Variants in KSR1 observed in about 807,000 individuals in gnomAD.
The protein encoded by KSR1 is kinase suppressor of ras 1.
In KSR1, 35 loss-of-function variants were observed where a neutral mutation model predicts 92.9. That is an observed-to-expected ratio of 0.38 (90% confidence interval 0.29 to 0.50). The LOEUF (loss-of-function observed/expected upper bound fraction) is 0.50, where lower values mean the gene tolerates loss of function less well. KSR1 is among the 20% of genes least tolerant of loss of function. KSR1 has a pLI of 0.94. For synonymous variants in KSR1, 467 were observed against 472.6 expected, an observed-to-expected ratio of 0.99 and a Z score of 0.15; for missense variants, 972 against 1,158.5, an observed-to-expected ratio of 0.84 and a Z score of 2.34.
chr17:27,474,288 C>G (rs541753514), intron 1 of KSR1, among the ~76,000 whole-genome samples: 3 of 152,232 alleles, frequency 2.0e-5, no homozygotes, highest in Non-Finnish European at 1.5e-5. Context: ...CAAACAGGCC[C>G]CTGTCACCCT....
At chr17:27,524,729 A>G (rs1187916429) in intron 1 of KSR1, among the ~76,000 whole-genome samples, 1 of 152,194 alleles carries the variant, frequency 6.6e-6, no homozygotes, top group Non-Finnish European at 1.5e-5. Context: ...GGATGTCCCC[A>G]ACCCACCTGC....
At chr17:27,561,058 A>G (rs1238785659) in intron 2 of KSR1, among the ~76,000 whole-genome samples, 1 of 152,214 alleles carries the variant, frequency 6.6e-6, no homozygotes, top group Non-Finnish European at 1.5e-5. Flanking sequence ...AAGTTGGAGC[A>G]TGGAAGGAAG....
At position 27,459,377 on chromosome 17, in the gene KSR1, C is replaced by T. The variant is rs939801734; in HGVS notation, c.231+2503C>T. Among the ~76,000 whole-genome samples, 2 of 152,220 alleles carry T rather than the reference C, an allele frequency of 1.3e-5. No homozygotes were observed. The highest frequency in any genetic ancestry group is 4.8e-5 in the African/African-American group (2 of 41,452). ...CTTGCTAGGGAAACTTAACCCCCTA[C>T]TTTATGGGTTCAGTAAATCTGGATT... On this transcript the variant is annotated intron_variant, in intron 1 of 20. Transcript: ENST00000644974. This position sits in a 1 kb window ranked among gnomAD's most constrained non-coding sequence, Gnocchi z 4.6.
intron 1 of KSR1, among the ~76,000 whole-genome samples, chr17:27,482,098 T>A (rs2068529346): frequency 1.3e-5 from 2 of 152,144 alleles, no homozygotes; most frequent in African/African-American, 4.8e-5. Context: ...TTGGTGGTGC[T>A]GAGAAAGAAG....
At chr17:27,527,240 C>G (rs1157056670) in intron 1 of KSR1, 1 of 222,960 alleles carries the variant, frequency 4.5e-6, no homozygotes. Flanking sequence ...CTATATTTCC[C>G]CTGGCCGCCA....
At chr17:27,479,336 C>A (rs1010241715) in intron 1 of KSR1, among the ~76,000 whole-genome samples, 1 of 152,190 alleles carries the variant, frequency 6.6e-6, no homozygotes, top group Non-Finnish European at 1.5e-5. Flanking sequence ...CCTCCCTCAT[C>A]CTGGAGTGCC....
At chr17:27,523,067 G>A (rs532080418) in intron 1 of KSR1, among the ~76,000 whole-genome samples, 2 of 152,172 alleles carry the variant, frequency 1.3e-5, no homozygotes, top group South Asian at 4.1e-4. Flanking sequence ...AAGAGAACTT[G>A]ACTAGATGTG....
At position 27,623,911 on chromosome 17, in the gene KSR1, T is replaced by C. The variant is rs2074288067; in HGVS notation, c.*519T>C. The stretch of plus-strand genomic sequence containing the variant: ...TATCTAGGGCTCTCCCCTTGTCCTT[T>C]CAAAGGGATACTGCCCCTTCCTCGT... On this transcript the variant is annotated 3_prime_UTR_variant, in exon 21 of 21. Transcript: ENST00000644974. 2 of 353,900 alleles carry C rather than the reference T, an allele frequency of 5.7e-6. No individual in the cohort carries two copies. Among genetic ancestry groups the C allele is most frequent in the Non-Finnish European group, 1.0e-5 (2 of 199,772 alleles). 21.9% of individuals were successfully genotyped at this position (353,900 alleles called of 1,614,324 possible).
intron 20 of KSR1, chr17:27,622,107 G>A: frequency 1.5e-6 from 1 of 646,928 alleles, no homozygotes; most frequent in East Asian, 2.7e-5. Flanking sequence ...TTAAAAACTG[G>A]CCCTCTGCCC....
intron 1 of KSR1, among the ~76,000 whole-genome samples, chr17:27,473,776 G>C (rs1359045320): frequency 6.6e-6 from 1 of 152,130 alleles, no homozygotes; most frequent in East Asian, 1.9e-4. Context: ...GGACAGAACA[G>C]AACAAGGAAG....
chr17:27,619,442 G>A (rs2074155332), intron 19 of KSR1, among the ~76,000 whole-genome samples: 1 of 150,300 alleles, frequency 6.7e-6, no homozygotes, highest in Admixed American at 6.6e-5. Flanking sequence ...CTGTCACTCA[G>A]GCTGGAGTGC....
chr17:27,588,453 C>T, intron 5 of KSR1, 22 bp from the exon 6 acceptor site: 1 of 1,561,250 alleles, frequency 6.4e-7, no homozygotes, highest in Non-Finnish European at 8.7e-7. Context: ...TCAGCCTGCC[C>T]ATCCGGCCTC....
At chr17:27,518,611 G>A (rs2069894680) in intron 1 of KSR1, among the ~76,000 whole-genome samples, 1 of 152,142 alleles carries the variant, frequency 6.6e-6, no homozygotes, top group African/African-American at 2.4e-5. Flanking sequence ...TTGCAATCTG[G>A]GTCGGTGGAC....
chr17:27,468,265 T>C (rs1284992455), intron 1 of KSR1, among the ~76,000 whole-genome samples: 1 of 151,740 alleles, frequency 6.6e-6, no homozygotes, highest in Admixed American at 6.6e-5. Context: ...AGATGGAGCC[T>C]GGCTGTGTTG....
At chr17:27,594,526 T>A (rs148871617) in intron 9 of KSR1, among the ~76,000 whole-genome samples, 1 of 152,074 alleles carries the variant, frequency 6.6e-6, no homozygotes, top group African/African-American at 2.4e-5. Context: ...AACTTCCCCA[T>A]GAGCCCCTCC....
chr17:27,505,486 T>C (rs1023989727), intron 1 of KSR1, among the ~76,000 whole-genome samples: 44 of 152,228 alleles, frequency 2.9e-4, no homozygotes, highest in African/African-American at 1.1e-3. Context: ...TTGTTATTAG[T>C]GCTCTAAGAG....
intron 1 of KSR1, among the ~76,000 whole-genome samples, chr17:27,458,166 G>A (rs1440234021): frequency 6.6e-6 from 1 of 152,094 alleles, no homozygotes; most frequent in East Asian, 1.9e-4. Context: ...ACTGACCAAG[G>A]CTTTGCTTAA....
rs1567865274 is a variant in KSR1, at chr17:27,592,643, T to C, written c.1299+17T>C. 3 of 1,603,826 alleles carry C rather than the reference T, an allele frequency of 1.9e-6. No homozygotes were observed. The South Asian group carries it at 3.3e-5, about 18-fold the overall frequency. On this transcript the variant is annotated intron_variant, in intron 9 of 20. Coordinates refer to ENST00000644974, the MANE Select transcript of KSR1 (RefSeq NM_001394583.1). ...ACAAAGAAGGTACGCTGGGTAATGCTGGGGAGGACGCCCTTCTGCCACTGG... is the reference window on the plus strand; with the variant it reads ...ACAAAGAAGGTACGCTGGGTAATGCCGGGGAGGACGCCCTTCTGCCACTGG...
chr17:27,496,898 G>A (rs2069007129), intron 1 of KSR1, among the ~76,000 whole-genome samples: 1 of 152,246 alleles, frequency 6.6e-6, no homozygotes, highest in Non-Finnish European at 1.5e-5. Context: ...TGAGATGAGA[G>A]TGTGGGCCAG....
Sources: allele counts gnomAD v4.1 joint callset (sites outside exome capture counted in the v4.1 genomes callset), GRCh38; gene constraint gnomAD v4.1.1; non-coding constraint Gnocchi (gnomAD v3.1); transcripts MANE v1.5; gene names NCBI Gene and HGNC (gene_info 2026-07-23, HGNC 2026-07-21).